The following EIF2A variants were observed in gnomAD, a reference collection of about 807,000 sequenced individuals.
The protein encoded by EIF2A is eukaryotic translation initiation factor 2A.
EIF2A carries 62 observed loss-of-function variants against 75.2 expected under a neutral mutation model. That is an observed-to-expected ratio of 0.82 (90% CI 0.67 to 1.02). EIF2A has a LOEUF of 1.02. Among genes scored for constraint, EIF2A ranks in the 50% least tolerant of loss-of-function variants. The probability of loss-of-function intolerance (pLI) is 0.00; values close to 1 mark genes in which losing one functional copy is unlikely to be tolerated. For synonymous variants in EIF2A, 207 were observed against 239.0 expected (o/e 0.87, Z 1.23); for missense variants, 611 against 677.7 (o/e 0.90, Z 1.09).
At chr3:150,557,588 CAG>C in intron 2 of EIF2A, 1 of 277,852 alleles carries the variant, frequency 3.6e-6, no homozygotes, top group Non-Finnish European at 7.3e-6. Context: ...TTATTAGAGA[CAG>C]GGTTTCGCCA....
chr3:150,562,816 A>G, intron 4 of EIF2A, 156 bp downstream of exon 4: 1 of 557,518 alleles, frequency 1.8e-6, no homozygotes, highest in Non-Finnish European at 3.1e-6. Context: ...TGAATCTTGT[A>G]CTCTCCAAAT....
rs1188763716 is a variant in EIF2A, at chr3:150,562,675, A to G, written c.292+15A>G. 3 of 1,591,088 alleles carry G rather than the reference A, an allele frequency of 1.9e-6. No individual in the cohort carries two copies. The Admixed American group carries it at 5.1e-5, about 27-fold the overall frequency. On this transcript the variant is annotated intron_variant, in intron 4 of 13. Transcript: ENST00000460851. ...GCCTTACACTAGTAAGTATTTTCTC[A>G]GTGTAAAAATACTCTGACACGATCA...
Position 150,584,644 on chromosome 3 carries a change from A to G in EIF2A, c.*733A>G, listed in dbSNP as rs527999354. On this transcript the variant is annotated 3_prime_UTR_variant, in exon 14 of 14. Coordinates refer to ENST00000460851, the MANE Select transcript of EIF2A (RefSeq NM_032025.5). ...TGAAATGTTCGCCACTTTGATAAAG[A>G]GGAAATGATTGTTTGTTACTGTTAT... 6.6e-6 allele frequency among the ~76,000 whole-genome samples: 1 copy of G among 152,306 alleles called. No homozygotes were observed. Among genetic ancestry groups the G allele is most frequent in the South Asian group, 2.1e-4 (1 of 4,830 alleles).
At chr3:150,562,048 T>G (rs1361634304) in intron 3 of EIF2A, among the ~76,000 whole-genome samples, 1 of 152,016 alleles carries the variant, frequency 6.6e-6, no homozygotes, top group East Asian at 1.9e-4. Context: ...TGTGAGCGAC[T>G]GCACCTGGCC....
chr3:150,551,234 G>A (rs1302428195), intron 1 of EIF2A, among the ~76,000 whole-genome samples: 2 of 151,980 alleles, frequency 1.3e-5, no homozygotes, highest in African/African-American at 2.4e-5. Context: ...ATATGATTCC[G>A]TATATTTGGC....
chr3:150,554,191 G>A (rs770164726), intron 2 of EIF2A, among the ~76,000 whole-genome samples: 1 of 152,150 alleles, frequency 6.6e-6, no homozygotes, highest in Non-Finnish European at 1.5e-5. Flanking sequence ...GATAAAGCAT[G>A]TCAAGTATAT....
At chr3:150,580,400 G>A (rs1047305785) in intron 11 of EIF2A, among the ~76,000 whole-genome samples, 5 of 152,080 alleles carry the variant, frequency 3.3e-5, no homozygotes, top group Non-Finnish European at 5.9e-5. Flanking sequence ...ATAATATACT[G>A]TAATAAAAGA....
intron 6 of EIF2A, chr3:150,565,788 C>CTTTTTTTTTTTTTTTTTTTTTTTTT (rs35195705): frequency 1.4e-5 from 1 of 69,476 alleles, no homozygotes. Flanking sequence ...TAGTTCCATT[C>CTTTTTTTTTTTTTTTTTTTTTTTTT]TTTTTTTTTT....
intron 11 of EIF2A, among the ~76,000 whole-genome samples, chr3:150,578,966 T>TA (rs1725027584): frequency 6.6e-6 from 1 of 152,352 alleles, no homozygotes; most frequent in South Asian, 2.1e-4. Context: ...AATTTAATCT[T>TA]ACCATATATA....
intron 10 of EIF2A, among the ~76,000 whole-genome samples, chr3:150,574,102 C>G (rs896437884): frequency 3.3e-5 from 5 of 152,042 alleles, no homozygotes; most frequent in African/African-American, 9.7e-5. Context: ...ATCCCAGCAA[C>G]TCGGGAGTGT....
intron 9 of EIF2A, 129 bp from the exon 10 acceptor site, chr3:150,571,829 A>G (rs1724542797): frequency 2.7e-6 from 2 of 746,816 alleles, no homozygotes; most frequent in East Asian, 5.4e-5. Flanking sequence ...AGAGTATTTT[A>G]ATGTTAACAT....
rs1724574145 is a variant in EIF2A at position 150,572,271 on chromosome 3, T to C, written c.1125T>C (p.Ala375=). The part of the protein sequence containing the change: ...WCPDGEHILT[A]TCAPRLRVNN... ...CGGATGGTGAGCATATTTTAACAGC[T>C]ACATGTGCTCCCAGGTTACGGGTTA... The change falls in exon 10 of 14, where the codon GCT becomes GCC. Residue 375 remains alanine (A), a synonymous_variant. Transcript: ENST00000460851. The C allele has an allele frequency of 1.2e-6, 2 of 1,613,972 alleles. No homozygotes were observed. Among genetic ancestry groups the C allele is most frequent in the Admixed American group, 1.7e-5 (1 of 60,014 alleles).
chr3:150,559,737 C>G lies in EIF2A; in HGVS notation c.173+1275C>G, dbSNP rs541541734. On this transcript the variant is annotated intron_variant, in intron 3 of 13. Transcript: ENST00000460851. The stretch of plus-strand genomic sequence containing the variant: ...AACTCCTGACCTCAAGTGATCCACC[C>G]GCTTTATTCAGCCTCCCAAAGTGCT... Among the ~76,000 whole-genome samples the G allele has an allele frequency of 4.6e-5, 7 of 152,102 alleles. No homozygotes were observed. In the South Asian group the frequency reaches 1.5e-3, roughly 32 times the overall value.
chr3:150,585,742 T>G lies in EIF2A; in HGVS notation c.*1831T>G, dbSNP rs930217758. Reference sequence around the variant, plus strand: ...AAACTCGTATGTTGAAGCCCTAACCTCCAACGTGGTGGTATTGGGAGATGG... The same window carrying G: ...AAACTCGTATGTTGAAGCCCTAACCGCCAACGTGGTGGTATTGGGAGATGG... On this transcript the variant is annotated 3_prime_UTR_variant, in exon 14 of 14. Coordinates refer to ENST00000460851, the MANE Select transcript of EIF2A (RefSeq NM_032025.5). Among the ~76,000 whole-genome samples the G allele has an allele frequency of 2.6e-5, 4 of 152,144 alleles. No individual in the cohort carries two copies. The highest frequency in any genetic ancestry group is 9.7e-5 in the African/African-American group (4 of 41,414).
At chr3:150,567,002 G>A (rs531699974) in intron 6 of EIF2A, 135 of 152,270 alleles carry the variant, frequency 8.9e-4, no homozygotes, top group African/African-American at 3.0e-3. Flanking sequence ...CTGTTTCTGG[G>A]TTAGCTTGCT....
intron 11 of EIF2A, 34 bp downstream of exon 11, chr3:150,575,796 T>C (rs1464234853): frequency 2.6e-6 from 4 of 1,559,718 alleles, no homozygotes; most frequent in East Asian, 2.3e-5. Flanking sequence ...ACAAAACAAA[T>C]AGTCAGTTAT....
At chr3:150,575,860 G>A (rs1055967424) in intron 11 of EIF2A, 98 bp downstream of exon 11, 13 of 983,482 alleles carry the variant, frequency 1.3e-5, no homozygotes, top group Non-Finnish European at 1.8e-5. Context: ...AGGCTGAGGC[G>A]AGTGGATCAC....
At chr3:150,583,783 A>G (rs1435328305) in intron 13 of EIF2A, 63 bp from the exon 14 acceptor site, 2 of 1,446,972 alleles carry the variant, frequency 1.4e-6, no homozygotes, top group African/African-American at 1.4e-5. Context: ...TTTTTTCTGT[A>G]TTATTTTGGT....
intron 1 of EIF2A, among the ~76,000 whole-genome samples, chr3:150,552,086 T>G (rs1487970650): frequency 6.6e-6 from 1 of 152,204 alleles, no homozygotes; most frequent in Non-Finnish European, 1.5e-5. Flanking sequence ...TGAATTCATG[T>G]CCTCTTTACC....
Sources: allele counts gnomAD v4.1 joint callset (sites outside exome capture counted in the v4.1 genomes callset), GRCh38; gene constraint gnomAD v4.1.1; transcripts MANE v1.5; gene names NCBI Gene and HGNC (gene_info 2026-07-23, HGNC 2026-07-21).